The following LRRC4C variants were observed in gnomAD, a reference collection of about 807,000 sequenced individuals.
LRRC4C encodes the protein leucine rich repeat containing 4C, also known as leucine-rich repeat-containing protein 4C.
A neutral mutation model predicts 33.6 loss-of-function variants in LRRC4C; 5 were observed. The ratio of observed to expected loss-of-function variants is 0.15; its 90% CI spans 0.08 to 0.31. LRRC4C has a LOEUF of 0.31. Ranked by LOEUF, LRRC4C falls within the 10% of genes least tolerant of loss-of-function variation. The pLI is 1.00. For synonymous variants in LRRC4C, 329 were observed against 302.0 expected (o/e 1.09, Z -0.93); for missense variants, 560 against 796.7 (o/e 0.70, Z 3.58).
intron 1 of LRRC4C, among the ~76,000 whole-genome samples, chr11:41,051,309 T>A (rs778347839): frequency 6.6e-6 from 1 of 152,108 alleles, no homozygotes; most frequent in Non-Finnish European, 1.5e-5. Context: ...AGGTGAACGA[T>A]GAATACAATA....
At chr11:40,965,281 T>G (rs1367327953) in intron 1 of LRRC4C, among the ~76,000 whole-genome samples, 1 of 152,152 alleles carries the variant, frequency 6.6e-6, no homozygotes, top group Non-Finnish European at 1.5e-5. Context: ...CTTTGTCAGA[T>G]TAGTAGGTTA....
intron 2 of LRRC4C, among the ~76,000 whole-genome samples, chr11:40,729,324 T>C (rs1364184314): frequency 1.3e-5 from 2 of 152,168 alleles, no homozygotes; most frequent in East Asian, 1.9e-4. Context: ...CTGAACACTA[T>C]GGATGACACT....
At position 40,265,370 on chromosome 11, in the gene LRRC4C, A is replaced by G. The variant is rs77651770; in HGVS notation, c.-175-23772T>C. Among the ~76,000 whole-genome samples, 386 of 152,338 alleles carry G rather than the reference A, an allele frequency of 2.5e-3. 5 individuals are homozygous for G. Among genetic ancestry groups the G allele is most frequent in the African/African-American group, 9.0e-3 (373 of 41,578 alleles). ...ACTTAAATGGGCTCTAAGAATATAC[A>G]TACTGTTAGAAAACTTACTTTTCAA... is the stretch of plus-strand genomic sequence containing the variant. On this transcript the variant is annotated intron_variant, in intron 4 of 6. Coordinates refer to ENST00000528697, the MANE Select transcript of LRRC4C (RefSeq NM_001258419.2).
chr11:41,233,599 T>C (rs769832167), intron 1 of LRRC4C, among the ~76,000 whole-genome samples: 1 of 152,024 alleles, frequency 6.6e-6, no homozygotes, highest in Non-Finnish European at 1.5e-5. Flanking sequence ...ACATGGCTAA[T>C]AGGGGAAATA....
intron 2 of LRRC4C, among the ~76,000 whole-genome samples, chr11:40,877,566 C>T (rs1284618747): frequency 6.6e-6 from 1 of 152,146 alleles, no homozygotes; most frequent in Non-Finnish European, 1.5e-5. Context: ...GAAACACATG[C>T]CACCTTTGGA....
At chr11:41,052,952 A>G (rs927727302) in intron 1 of LRRC4C, among the ~76,000 whole-genome samples, 3 of 152,140 alleles carry the variant, frequency 2.0e-5, no homozygotes, top group Non-Finnish European at 4.4e-5. Context: ...CATTAAATCT[A>G]ATTCAGGAAC....
At chr11:40,287,491 C>A (rs1943924461) in intron 4 of LRRC4C, among the ~76,000 whole-genome samples, 7 of 152,062 alleles carry the variant, frequency 4.6e-5, no homozygotes, top group Admixed American at 4.6e-4. Context: ...TACTTGCCAG[C>A]CATTCTTCTG....
intron 1 of LRRC4C, among the ~76,000 whole-genome samples, chr11:41,418,337 A>C (rs1954760928): frequency 1.3e-5 from 2 of 151,986 alleles, no homozygotes; most frequent in African/African-American, 4.8e-5. Context: ...AAACAAGGTG[A>C]TGGGGAATAG....
intron 2 of LRRC4C, among the ~76,000 whole-genome samples, chr11:40,664,901 T>C (rs2136230080): frequency 6.6e-6 from 1 of 151,880 alleles, no homozygotes; most frequent in East Asian, 1.9e-4. Flanking sequence ...ATTAGGTATA[T>C]CTCCTAATGC....
intron 5 of LRRC4C, among the ~76,000 whole-genome samples, chr11:40,190,285 T>C (rs1260228034): frequency 6.6e-6 from 1 of 152,194 alleles, no homozygotes; most frequent in African/African-American, 2.4e-5. Context: ...TTTGCAACAT[T>C]GGCTGATCAT....
At chr11:40,349,660 T>C (rs1166732267) in intron 3 of LRRC4C, among the ~76,000 whole-genome samples, 1 of 152,184 alleles carries the variant, frequency 6.6e-6, no homozygotes, top group Non-Finnish European at 1.5e-5. Context: ...CTGTTATTTA[T>C]AGTGACTGTA....
intron 2 of LRRC4C, among the ~76,000 whole-genome samples, chr11:40,840,872 C>A (rs1952881045): frequency 6.6e-6 from 1 of 152,084 alleles, no homozygotes; most frequent in Non-Finnish European, 1.5e-5. Context: ...CTCTGGGAAC[C>A]AAATGGAATT....
chr11:40,133,564 C>T (rs1161949806), intron 6 of LRRC4C, among the ~76,000 whole-genome samples: 1 of 152,142 alleles, frequency 6.6e-6, no homozygotes, highest in Non-Finnish European at 1.5e-5. Flanking sequence ...TAAGTATATT[C>T]TCTAACGCTA....
chr11:41,448,122 G>GTTTTTTTTTTTTTTTGTTT (rs1955889161), intron 1 of LRRC4C, among the ~76,000 whole-genome samples: 1 of 46,948 alleles, frequency 2.1e-5, no homozygotes, highest in Non-Finnish European at 4.4e-5. Flanking sequence ...GCACACGTCT[G>GTTTTTTTTTTTTTTTGTTT]TTTTTTTTTT....
chr11:40,500,335 TTA>T lies in LRRC4C; in HGVS notation c.-270+147805_-270+147806del, dbSNP rs1330010668. ...ACACACACACACACACACACACACA[TTA>T]TATATATATACACATTATATATATA... On this transcript the variant is annotated intron_variant, in intron 3 of 6. Transcript: ENST00000528697. Among the ~76,000 whole-genome samples, 6 of 101,236 alleles carry T rather than the reference TTA, an allele frequency of 5.9e-5. No individual in the cohort carries two copies. In the East Asian group the frequency reaches 1.5e-3, roughly 25 times the overall value. 66.4% of individuals were successfully genotyped at this position (101,236 alleles called of 152,430 possible).
chr11:40,801,642 T>C (rs1951046840), intron 2 of LRRC4C, among the ~76,000 whole-genome samples: 1 of 152,178 alleles, frequency 6.6e-6, no homozygotes, highest in South Asian at 2.1e-4. Context: ...TATGTTTATA[T>C]CTAATAATTT....
At chr11:41,281,090 TCTCTCTCTCTCTCTCA>T (rs1425774371) in intron 1 of LRRC4C, among the ~76,000 whole-genome samples, 1 of 103,268 alleles carries the variant, frequency 9.7e-6, no homozygotes, top group Non-Finnish European at 2.2e-5. Flanking sequence ...TCTCTCTCTC[TCTCTCTCTCTCTCTCA>T]CACACACACA....
intron 3 of LRRC4C, among the ~76,000 whole-genome samples, chr11:40,528,707 C>A (rs1427500706): frequency 1.3e-5 from 2 of 152,006 alleles, no homozygotes; most frequent in Non-Finnish European, 2.9e-5. Context: ...CACTGCAGAA[C>A]TAGTCACAAT....
intron 1 of LRRC4C, among the ~76,000 whole-genome samples, chr11:41,391,356 T>C (rs753152959): frequency 2.6e-5 from 4 of 151,884 alleles, no homozygotes; most frequent in Non-Finnish European, 4.4e-5. Context: ...TGGGGATATG[T>C]AGATCAAAGA....
Sources: gnomAD v4.1 joint callset for allele counts (sites outside exome capture counted in the v4.1 genomes callset) on GRCh38, gnomAD v4.1.1 for gene constraint, MANE v1.5 for transcripts, NCBI Gene and HGNC (gene_info 2026-07-23, HGNC 2026-07-21) for gene names.